Variants in SLF2 observed in about 807,000 individuals in gnomAD.
SLF2 encodes the protein SMC5/6 complex localization factor 2, also known as SMC5-SMC6 complex localization factor protein 2.
In SLF2, 68 loss-of-function variants were observed where a neutral mutation model predicts 124.3. The ratio of observed to expected loss-of-function variants is 0.55; its 90% CI spans 0.45 to 0.67. The LOEUF (loss-of-function observed/expected upper bound fraction) is 0.67. SLF2 is among the 30% of genes least tolerant of loss of function. The pLI, the probability that SLF2 is intolerant of heterozygous loss-of-function variation, is 0.00. For missense variants in SLF2, 1,246 were observed against 1,373.7 expected (o/e 0.91, Z 1.47); for synonymous variants, 480 against 478.8 (o/e 1.00, Z -0.03).
chr10:100,916,888 A>G lies in SLF2; in HGVS notation c.503A>G (p.His168Arg), dbSNP rs759750039. 3 of 1,614,106 alleles carry G rather than the reference A, an allele frequency of 1.9e-6. No individual in the cohort carries two copies. Among genetic ancestry groups the G allele is most frequent in the African/African-American group, 1.3e-5 (1 of 74,948 alleles). The change falls in exon 3 of 20, where the codon CAT (histidine) becomes CGT (arginine). Residue 168 changes from histidine to arginine, a missense_variant. His to Arg is a conservative substitution (Grantham distance 29). Coordinates refer to ENST00000238961, the MANE Select transcript of SLF2 (RefSeq NM_018121.4). The stretch of plus-strand genomic sequence containing the variant: ...GAGATGAAGTCACTAAAGAAAAAAC[A>G]TCGATCCCCAGAGAGAAGGAAGTCA... ...PKEMKSLKKK[H>R]RSPERRKSLF...
chr10:100,938,928 A>G, intron 11 of SLF2, among the ~76,000 whole-genome samples, 192 bp downstream of exon 11: 2 of 152,366 alleles, frequency 1.3e-5, no homozygotes, highest in Middle Eastern at 3.4e-3. Context: ...CAAATAATAG[A>G]AATATTCTCA....
intron 17 of SLF2, among the ~76,000 whole-genome samples, chr10:100,952,895 C>T (rs1419804478): frequency 3.3e-5 from 5 of 151,970 alleles, no homozygotes; most frequent in Admixed American, 2.0e-4. Flanking sequence ...GCTGAGATCA[C>T]GCCATTGCAC....
At chr10:100,961,534 T>G (rs1308663263) in intron 19 of SLF2, among the ~76,000 whole-genome samples, 1 of 152,242 alleles carries the variant, frequency 6.6e-6, no homozygotes, top group Admixed American at 6.5e-5. Context: ...ATAGATTTTC[T>G]TTTAATGCTG....
intron 9 of SLF2, among the ~76,000 whole-genome samples, chr10:100,934,871 C>T (rs1218941067): frequency 6.6e-6 from 1 of 151,614 alleles, no homozygotes; most frequent in Non-Finnish European, 1.5e-5. Context: ...ATCTGCCTGC[C>T]TCGGCCTCCC....
At chr10:100,947,001 C>A in intron 13 of SLF2, 38 bp from the exon 14 acceptor site, 1 of 1,507,666 alleles carries the variant, frequency 6.6e-7, no homozygotes, top group Non-Finnish European at 9.2e-7. Flanking sequence ...TTCTACTGTT[C>A]TGTTTGAAAA....
intron 4 of SLF2, among the ~76,000 whole-genome samples, chr10:100,922,827 G>A (rs757815514): frequency 1.0e-4 from 15 of 149,990 alleles, no homozygotes; most frequent in South Asian, 6.3e-4. Context: ...CCAGACTGGC[G>A]TGCAGTGGTG....
chr10:100,937,853 A>G (rs1849896076), intron 10 of SLF2, among the ~76,000 whole-genome samples: 1 of 151,928 alleles, frequency 6.6e-6, no homozygotes, highest in South Asian at 2.1e-4. Flanking sequence ...CGGGCAATTT[A>G]CCCATCTTGG....
rs1300657230 is a variant in SLF2, at chr10:100,916,919, C to T, written c.534C>T (p.Phe178=). ...CCCCAGAGAGAAGGAAGTCACTATT[C>T]ATTCATGAAAATAATGAGAAGAATG... ...HRSPERRKSL[F]IHENNEKNDR... is the part of the protein sequence containing the mutation. Residue 178 remains phenylalanine, a synonymous_variant, in exon 3 of 20, where the codon TTC becomes TTT. Coordinates refer to ENST00000238961, the MANE Select transcript of SLF2 (RefSeq NM_018121.4). 6.2e-7 allele frequency: 1 copy of T among 1,614,106 alleles called. No homozygotes were observed. Among genetic ancestry groups the T allele is most frequent in the Non-Finnish European group, 8.5e-7 (1 of 1,180,022 alleles).
In SLF2 at chr10:100,924,745, A is replaced by G. The variant is rs922808749; in HGVS notation, c.1744A>G (p.Ser582Gly). The part of the protein sequence containing the change: ...PSDKAPSEGE[S>G]SGNSNAGSSA... ...AGATAAAGCCCCTTCAGAAGGAGAG[A>G]GTTCAGGAAATTCCAATGCAGGTAG... Residue 582 changes from serine to glycine, a missense_variant, in exon 5 of 20, where the codon AGT becomes GGT. Coordinates refer to ENST00000238961, the MANE Select transcript of SLF2 (RefSeq NM_018121.4). The G allele has an allele frequency of 6.2e-7, 1 of 1,614,198 alleles. No individual in the cohort carries two copies. The highest frequency in any genetic ancestry group is 8.5e-7 in the Non-Finnish European group (1 of 1,180,044).
At chr10:100,937,556 G>GTTAGTA (rs1413694100) in intron 10 of SLF2, 79 bp downstream of exon 10, 5 of 910,866 alleles carry the variant, frequency 5.5e-6, no homozygotes, top group Non-Finnish European at 8.9e-6. Context: ...ATTGCTAAAT[G>GTTAGTA]TTAGTATATT....
At chr10:100,940,090 A>G (rs1010114268) in intron 11 of SLF2, among the ~76,000 whole-genome samples, 6 of 152,234 alleles carry the variant, frequency 3.9e-5, no homozygotes, top group Admixed American at 3.9e-4. Context: ...CATAATATAA[A>G]CATTTAACAT....
intron 4 of SLF2, among the ~76,000 whole-genome samples, chr10:100,919,035 CAG>C (rs1849476809): frequency 1.0e-5 from 1 of 99,926 alleles, no homozygotes; most frequent in African/African-American, 4.8e-5. Context: ...TTTTTTGAGA[CAG>C]AGTCTCGCTC....
chr10:100,927,298 T>C (rs1849633249), intron 6 of SLF2, among the ~76,000 whole-genome samples: 2 of 128,330 alleles, frequency 1.6e-5, no homozygotes, highest in Non-Finnish European at 3.7e-5. Flanking sequence ...CTACTTTGTC[T>C]CTATGAAATT....
chr10:100,927,070 G>T (rs963962689), intron 6 of SLF2, among the ~76,000 whole-genome samples: 1 of 135,760 alleles, frequency 7.4e-6, no homozygotes, highest in African/African-American at 2.5e-5. Context: ...AGCATGGGTA[G>T]AATTTTTTGT....
chr10:100,915,476 T>C (rs182586265), intron 1 of SLF2, among the ~76,000 whole-genome samples: 1 of 152,324 alleles, frequency 6.6e-6, no homozygotes, highest in African/African-American at 2.4e-5. Context: ...TGTTCTACTC[T>C]TGTTATGAGA....
At chr10:100,932,962 C>T (rs1849775000) in intron 9 of SLF2, among the ~76,000 whole-genome samples, 1 of 152,110 alleles carries the variant, frequency 6.6e-6, no homozygotes, top group South Asian at 2.1e-4. Context: ...GACACATGCT[C>T]CAGATAAGGT....
At position 100,929,967 on chromosome 10, in the gene SLF2, G is replaced by C. The variant is rs780923239; in HGVS notation, c.2303G>C (p.Gly768Ala). ...GATTTAAGAGACTCTGGTTTTATTG[G>C]ACAAAGTGCTGTAGAAAAACTTATT... ...TLDLRDSGFIGQSAVEKLILK... is the reference protein window; with the variant it reads ...TLDLRDSGFIAQSAVEKLILK... Residue 768 changes from glycine (G) to alanine (A), a missense_variant, in exon 8 of 20, where the codon GGA becomes GCA. Transcript: ENST00000238961. 2.6e-6 allele frequency: 4 copies of C among 1,543,514 alleles called. No individual in the cohort carries two copies. In the South Asian group the frequency reaches 5.1e-5, roughly 20 times the overall value.
intron 9 of SLF2, among the ~76,000 whole-genome samples, chr10:100,933,472 C>T (rs551306941): frequency 6.6e-6 from 1 of 152,180 alleles, no homozygotes; most frequent in Admixed American, 6.5e-5. Context: ...CATTTTAATG[C>T]TATACTCCTA....
At chr10:100,913,691 T>G in intron 1 of SLF2, 1 of 1,001,150 alleles carries the variant, frequency 1.0e-6, no homozygotes, top group Non-Finnish European at 1.2e-6. Context: ...ACGAATTACT[T>G]TGTAGTCCAG....
Sources: allele counts gnomAD v4.1 joint callset (sites outside exome capture counted in the v4.1 genomes callset), GRCh38; gene constraint gnomAD v4.1.1; transcripts MANE v1.5; gene names NCBI Gene and HGNC (gene_info 2026-07-23, HGNC 2026-07-21).